Variants in ZNF804B observed in about 807,000 individuals in gnomAD.
ZNF804B encodes zinc finger protein 804B, also known as zinc finger 804B.
A neutral mutation model predicts 101.4 loss-of-function variants in ZNF804B; 80 were observed. That is an observed-to-expected ratio of 0.79 (90% CI 0.66 to 0.95). The LOEUF (loss-of-function observed/expected upper bound fraction) is 0.95. Among genes scored for constraint, ZNF804B ranks in the 40% least tolerant of loss-of-function variants. The pLI, the probability that ZNF804B is intolerant of heterozygous loss-of-function variation, is 0.00. For synonymous variants in ZNF804B, 622 were observed against 558.8 expected, an observed-to-expected ratio of 1.11 and a Z score of -1.59; for missense variants, 1,673 against 1,561.9, an observed-to-expected ratio of 1.07 and a Z score of -1.20.
chr7:89,282,009 G>C (rs554797150), intron 2 of ZNF804B, among the ~76,000 whole-genome samples: 2 of 151,666 alleles, frequency 1.3e-5, no homozygotes, highest in Admixed American at 6.6e-5. Context: ...AAACCATCCC[G>C]GCTAAAACGG....
rs372249022 is a variant in ZNF804B at position 89,273,026 on chromosome 7, A to C, written c.250-54318A>C. On this transcript the variant is annotated intron_variant, in intron 2 of 3. Transcript: ENST00000333190. ...TTAAAAATAAACAGTTGTTTTTTGT[A>C]ATCTTCAAAAATGCTTTAACTGATT... is the stretch of plus-strand genomic sequence containing the variant. 1.4e-3 allele frequency among the ~76,000 whole-genome samples: 206 copies of C among 152,232 alleles called. 1 individual carries two copies. The highest frequency in any genetic ancestry group is 4.6e-3 in the African/African-American group (191 of 41,560).
intron 1 of ZNF804B, among the ~76,000 whole-genome samples, chr7:89,092,202 G>C (rs180723726): frequency 7.3e-5 from 11 of 151,684 alleles, no homozygotes; most frequent in African/African-American, 2.4e-4. Flanking sequence ...GGATTTCTCG[G>C]GGGTCTCTCT....
chr7:89,140,155 CTT>C (rs1431843670), intron 1 of ZNF804B, among the ~76,000 whole-genome samples: 1 of 151,788 alleles, frequency 6.6e-6, no homozygotes, highest in Non-Finnish European at 1.5e-5. Flanking sequence ...TGAAATAAAT[CTT>C]TTTTCTGAGT....
intron 1 of ZNF804B, among the ~76,000 whole-genome samples, chr7:89,098,142 C>G (rs13247255): frequency 6.6e-6 from 1 of 152,174 alleles, no homozygotes; most frequent in African/African-American, 2.4e-5. Context: ...GTTAAGTAAG[C>G]TGTGTAAGGC....
intron 1 of ZNF804B, among the ~76,000 whole-genome samples, chr7:88,900,153 TTATG>T (rs1417276730): frequency 1.3e-5 from 2 of 152,092 alleles, no homozygotes; most frequent in Non-Finnish European, 2.9e-5. Flanking sequence ...CTGGCATACT[TTATG>T]TATACAGATT....
intron 2 of ZNF804B, among the ~76,000 whole-genome samples, chr7:89,286,257 A>G (rs952673650): frequency 6.6e-6 from 1 of 152,158 alleles, no homozygotes; most frequent in Non-Finnish European, 1.5e-5. Context: ...CTCTATGGAA[A>G]GGACAAAGTG....
At chr7:89,137,599 A>C (rs1473792913) in intron 1 of ZNF804B, among the ~76,000 whole-genome samples, 1 of 152,142 alleles carries the variant, frequency 6.6e-6, no homozygotes, top group Non-Finnish European at 1.5e-5. Context: ...AGCATTTAAG[A>C]GGTGACTTGG....
chr7:89,164,895 T>C (rs1025028189), intron 1 of ZNF804B, among the ~76,000 whole-genome samples: 4 of 152,094 alleles, frequency 2.6e-5, no homozygotes, highest in Non-Finnish European at 4.4e-5. Flanking sequence ...TGGTGTTTTT[T>C]ATTTGTCTTG....
chr7:88,899,945 C>T (rs142850796), intron 1 of ZNF804B, among the ~76,000 whole-genome samples: 282 of 152,156 alleles, frequency 1.9e-3, no homozygotes, highest in African/African-American at 6.6e-3. Flanking sequence ...AAAATGCGTT[C>T]AGGATGAAAC....
At chr7:89,008,541 C>T (rs1357842293) in intron 1 of ZNF804B, among the ~76,000 whole-genome samples, 2 of 152,166 alleles carry the variant, frequency 1.3e-5, no homozygotes, top group Non-Finnish European at 2.9e-5. Context: ...ATGCTTATAA[C>T]ATTCCCCCAA....
intron 1 of ZNF804B, among the ~76,000 whole-genome samples, chr7:89,164,626 T>C (rs1791114495): frequency 6.6e-6 from 1 of 152,176 alleles, no homozygotes; most frequent in African/African-American, 2.4e-5. Flanking sequence ...GTCCACCATG[T>C]CTTTAAACAA....
At chr7:88,874,680 AG>A (rs1346048118) in intron 1 of ZNF804B, among the ~76,000 whole-genome samples, 3 of 152,138 alleles carry the variant, frequency 2.0e-5, no homozygotes, top group Non-Finnish European at 4.4e-5. Flanking sequence ...TTTAGCATGA[AG>A]GGCTGTTGAA....
At chr7:88,780,524 G>A (rs906558258) in intron 1 of ZNF804B, among the ~76,000 whole-genome samples, 4 of 151,200 alleles carry the variant, frequency 2.6e-5, no homozygotes, top group African/African-American at 9.7e-5. Flanking sequence ...TGAGTAGCTG[G>A]GACTACAGGT....
chr7:88,920,051 A>G (rs1199974496), intron 1 of ZNF804B, among the ~76,000 whole-genome samples: 2 of 152,120 alleles, frequency 1.3e-5, no homozygotes, highest in Non-Finnish European at 2.9e-5. Flanking sequence ...ACAGTAAAGT[A>G]TAACATTACT....
intron 1 of ZNF804B, among the ~76,000 whole-genome samples, chr7:89,125,987 T>A (rs1053303787): frequency 4.6e-5 from 7 of 152,180 alleles, no homozygotes; most frequent in African/African-American, 1.7e-4. Context: ...TTCCCCCTGA[T>A]GATCAGATAT....
chr7:89,296,270 CTCTA>C (rs921739319), intron 2 of ZNF804B, among the ~76,000 whole-genome samples: 8 of 151,808 alleles, frequency 5.3e-5, no homozygotes, highest in East Asian at 3.8e-4. Flanking sequence ...GGAAAAAAAT[CTCTA>C]TCTATTGATG....
At chr7:89,145,257 A>T (rs1790775283) in intron 1 of ZNF804B, among the ~76,000 whole-genome samples, 1 of 152,092 alleles carries the variant, frequency 6.6e-6, no homozygotes, top group African/African-American at 2.4e-5. Context: ...CAATTAACTG[A>T]CAACTGAAAA....
chr7:88,837,092 G>C (rs1791224481), intron 1 of ZNF804B, among the ~76,000 whole-genome samples: 1 of 151,772 alleles, frequency 6.6e-6, no homozygotes, highest in Non-Finnish European at 1.5e-5. Context: ...TAAGATGGTT[G>C]CCCCCAAAAA....
At chr7:88,792,454 A>G (rs1277326255) in intron 1 of ZNF804B, among the ~76,000 whole-genome samples, 1 of 152,104 alleles carries the variant, frequency 6.6e-6, no homozygotes, top group Non-Finnish European at 1.5e-5. Context: ...TCCAATAAAC[A>G]TTTATTATCC....
Sources: gnomAD v4.1 joint callset for allele counts (sites outside exome capture counted in the v4.1 genomes callset) on GRCh38, gnomAD v4.1.1 for gene constraint, MANE v1.5 for transcripts, NCBI Gene and HGNC (gene_info 2026-07-23, HGNC 2026-07-21) for gene names.